PLSCR2: variants seen among roughly 807,000 people sequenced by gnomAD.
The protein encoded by PLSCR2 is PL scramblase 2.
PLSCR2 carries 18 observed loss-of-function variants against 25.3 expected under a neutral mutation model. The ratio of observed to expected loss-of-function variants is 0.71; its 90% CI spans 0.49 to 1.06. PLSCR2 has a LOEUF of 1.06. PLSCR2 is among the 50% of genes least tolerant of loss of function. The pLI is 0.00. For synonymous variants in PLSCR2, 88 were observed against 87.3 expected (o/e 1.01, Z -0.04); for missense variants, 243 against 269.5 (o/e 0.90, Z 0.69).
chr3:146,406,552 G>A (rs571105076), intron 2 of PLSCR2, among the ~76,000 whole-genome samples: 51 of 152,196 alleles, frequency 3.4e-4, no homozygotes, highest in Middle Eastern at 3.4e-3. Flanking sequence ...GTAGGAAGGC[G>A]CAGAGGACAT....
At chr3:146,410,731 CAA>C (rs751493671) in intron 2 of PLSCR2, among the ~76,000 whole-genome samples, 2 of 152,148 alleles carry the variant, frequency 1.3e-5, no homozygotes, top group East Asian at 3.9e-4. Flanking sequence ...AAACATAAAA[CAA>C]ACAATTGACC....
intron 6 of PLSCR2, among the ~76,000 whole-genome samples, chr3:146,443,481 G>A (rs6767156): frequency 0.58 from 87,565 of 151,672 alleles, 25,700 homozygotes; most frequent in South Asian, 0.76. Context: ...TCATGGTTCA[G>A]TCTCGGTAGA....
intron 2 of PLSCR2, among the ~76,000 whole-genome samples, chr3:146,410,902 C>T (rs1559974632): frequency 1.3e-5 from 2 of 152,142 alleles, no homozygotes; most frequent in African/African-American, 4.8e-5. Flanking sequence ...TATAAACCCC[C>T]GGCTCAGATC....
intron 4 of PLSCR2, among the ~76,000 whole-genome samples, chr3:146,454,603 T>C (rs1229292787): frequency 6.6e-6 from 1 of 152,150 alleles, no homozygotes; most frequent in African/African-American, 2.4e-5. Context: ...AGGCCAACTT[T>C]CCTAAAACAT....
At chr3:146,438,645 C>A (rs1357238018), downstream of PLSCR2, among the ~76,000 whole-genome samples, 1 of 152,048 alleles carries the variant, frequency 6.6e-6, no homozygotes, top group Non-Finnish European at 1.5e-5. Context: ...TCCTGCATCC[C>A]TTTATTTTGA....
At chr3:146,407,955 A>G (rs1372555171) in intron 2 of PLSCR2, among the ~76,000 whole-genome samples, 1 of 152,190 alleles carries the variant, frequency 6.6e-6, no homozygotes, top group African/African-American at 2.4e-5. Flanking sequence ...CTTGACAGTC[A>G]TGGATAGTAG....
chr3:146,395,958 C>T, intron 2 of PLSCR2: 1 of 288,542 alleles, frequency 3.5e-6, no homozygotes, highest in Non-Finnish European at 6.8e-6. Context: ...GGATAAAAAT[C>T]TGTGAGACAA....
At chr3:146,449,119 T>C in intron 6 of PLSCR2, 87 bp downstream of exon 6, 2 of 967,770 alleles carry the variant, frequency 2.1e-6, no homozygotes, top group South Asian at 3.0e-5. Flanking sequence ...CTTTAAATGG[T>C]AATCTTAAAA....
At chr3:146,462,970 G>A (rs1295326135), upstream of PLSCR2, among the ~76,000 whole-genome samples, 1 of 152,154 alleles carries the variant, frequency 6.6e-6, no homozygotes, top group African/African-American at 2.4e-5. Flanking sequence ...AGCAAGAAAG[G>A]TTAATTATCA....
intron 2 of PLSCR2, among the ~76,000 whole-genome samples, chr3:146,418,813 C>T (rs939448187): frequency 4.6e-5 from 7 of 152,102 alleles, no homozygotes; most frequent in Non-Finnish European, 7.4e-5. Flanking sequence ...TCATTTGCTC[C>T]TCCATTGATA....
chr3:146,489,663 A>G lies in PLSCR2; in HGVS notation c.-293+6232T>C, dbSNP rs569282009. Among the ~76,000 whole-genome samples, 12 of 152,268 alleles carry G rather than the reference A, an allele frequency of 7.9e-5. No individual in the cohort carries two copies. In the South Asian group the frequency reaches 2.5e-3, roughly 31 times the overall value. On this transcript the variant is annotated intron_variant, in intron 1 of 8. Coordinates refer to the PLSCR2 transcript ENST00000336685. ...TCCGAAGTCTTAAATGATTCCTCAC[A>G]GTTATTGTTCCAGAAACTATATAAA... is the stretch of plus-strand genomic sequence containing the variant.
At chr3:146,405,061 C>T (rs957262201) in intron 2 of PLSCR2, among the ~76,000 whole-genome samples, 8 of 151,908 alleles carry the variant, frequency 5.3e-5, no homozygotes, top group Non-Finnish European at 8.8e-5. Flanking sequence ...ATTAAGAGTC[C>T]GTTTATTTAG....
At chr3:146,433,129 A>G (rs897505578), downstream of PLSCR2, among the ~76,000 whole-genome samples, 18 of 152,034 alleles carry the variant, frequency 1.2e-4, no homozygotes, top group African/African-American at 4.1e-4. Context: ...ATTTTATGCA[A>G]TCTGTTGTTC....
intron 2 of PLSCR2, among the ~76,000 whole-genome samples, chr3:146,401,880 A>T (rs533021435): frequency 6.6e-6 from 1 of 151,920 alleles, no homozygotes; most frequent in Non-Finnish European, 1.5e-5. Flanking sequence ...TTATTATAGA[A>T]TTTTTAAAGG....
At chr3:146,469,615 A>G (rs1401613674) in intron 1 of PLSCR2, 54 bp from the exon 1 acceptor site, 8 of 977,348 alleles carry the variant, frequency 8.2e-6, no homozygotes, top group Non-Finnish European at 9.7e-6. Flanking sequence ...AGTCGGCGGA[A>G]AAGGGGCCTG....
intron 1 of PLSCR2, among the ~76,000 whole-genome samples, chr3:146,466,026 G>C (rs2041847778): frequency 6.6e-6 from 1 of 152,178 alleles, no homozygotes; most frequent in Non-Finnish European, 1.5e-5. Context: ...GATTGAAGTA[G>C]GGTGACTGAG....
chr3:146,482,428 CA>C (rs1560053289), intron 1 of PLSCR2, among the ~76,000 whole-genome samples: 1 of 152,270 alleles, frequency 6.6e-6, no homozygotes, highest in Non-Finnish European at 1.5e-5. Context: ...TATGAACAGA[CA>C]CTTCTCAAAA....
chr3:146,487,484 CA>C (rs1447750099), intron 1 of PLSCR2, among the ~76,000 whole-genome samples: 1 of 152,010 alleles, frequency 6.6e-6, no homozygotes, highest in Non-Finnish European at 1.5e-5. Flanking sequence ...GATACAAAAT[CA>C]AGCAATGTGT....
intron 2 of PLSCR2, among the ~76,000 whole-genome samples, chr3:146,404,905 A>T (rs1472024885): frequency 6.6e-6 from 1 of 151,880 alleles, no homozygotes; most frequent in Non-Finnish European, 1.5e-5. Context: ...CTGAAGAATA[A>T]TCTCCTTTGA....
Sources: allele counts gnomAD v4.1 joint callset (sites outside exome capture counted in the v4.1 genomes callset), GRCh38; gene constraint gnomAD v4.1.1; transcripts MANE v1.5; gene names NCBI Gene and HGNC (gene_info 2026-07-23, HGNC 2026-07-21).